The following KIF15 variants were observed in gnomAD, a reference collection of about 807,000 sequenced individuals.
KIF15 encodes the protein kinesin-like protein KIF15.
KIF15 carries 140 observed loss-of-function variants against 190.6 expected under a neutral mutation model. The observed-to-expected ratio is 0.73, with a 90% CI of 0.64 to 0.84. The LOEUF (loss-of-function observed/expected upper bound fraction) is 0.84, where lower values mean the gene tolerates loss of function less well. KIF15 is among the 40% of genes least tolerant of loss of function. The pLI is 0.00. For synonymous variants in KIF15, 528 were observed against 551.3 expected (o/e 0.96, Z 0.59); for missense variants, 1,372 against 1,584.4 (o/e 0.87, Z 2.28).
chr3:44,786,345 G>C (rs966730566), intron 6 of KIF15, 50 bp from the exon 7 acceptor site: 1 of 1,476,302 alleles, frequency 6.8e-7, no homozygotes, highest in Admixed American at 2.0e-5. Flanking sequence ...ATGAAAACTA[G>C]GTATGAACAC....
intron 26 of KIF15, among the ~76,000 whole-genome samples, chr3:44,832,959 G>A (rs1413465092): frequency 7.0e-6 from 1 of 143,828 alleles, no homozygotes; most frequent in East Asian, 2.1e-4. Flanking sequence ...GCAGCAAGCT[G>A]AGATCATGCC....
chr3:44,811,700 T>A (rs1243108553), intron 17 of KIF15, among the ~76,000 whole-genome samples: 1 of 152,220 alleles, frequency 6.6e-6, no homozygotes, highest in Non-Finnish European at 1.5e-5. Context: ...AGACAGTTTT[T>A]AATATATTTG....
In KIF15 at chr3:44,839,328, G is replaced by C. The variant is rs560198542; in HGVS notation, c.3318+907G>C. 1.4e-4 allele frequency among the ~76,000 whole-genome samples: 22 copies of C among 151,946 alleles called. No homozygotes were observed. The Middle Eastern group carries it at 0.014, about 94-fold the overall frequency. ...GCGGAGCTTGCAGTGAGCCGAGATC[G>C]CGCCACTGCACTCCAGCCTGGGCGA... On this transcript the variant is annotated intron_variant, in intron 27 of 34. Coordinates refer to ENST00000326047, the MANE Select transcript of KIF15 (RefSeq NM_020242.3).
chr3:44,852,450 G>T, intron 34 of KIF15, 111 bp downstream of exon 34: 1 of 1,090,894 alleles, frequency 9.2e-7, no homozygotes, highest in Non-Finnish European at 1.3e-6. Flanking sequence ...ACTTCAGGGA[G>T]CTTCCTGAAT....
chr3:44,854,576 T>G (rs752261420), downstream of KIF15, among the ~76,000 whole-genome samples: 5 of 151,926 alleles, frequency 3.3e-5, no homozygotes, highest in African/African-American at 4.8e-5. Flanking sequence ...TAGAAGAAGG[T>G]GGAATATTGA....
chr3:44,848,129 A>G (rs1698932743), intron 31 of KIF15, 72 bp downstream of exon 31: 2 of 907,928 alleles, frequency 2.2e-6, no homozygotes, highest in African/African-American at 1.7e-5. Context: ...TTATGGTAGT[A>G]TATTTTAGAA....
intron 6 of KIF15, among the ~76,000 whole-genome samples, chr3:44,861,257 C>T (rs1382531724): frequency 6.6e-6 from 1 of 152,252 alleles, no homozygotes; most frequent in Non-Finnish European, 1.5e-5. Context: ...TCCCAAAGTG[C>T]TGGGATTACA....
chr3:44,778,979 CAAAAA>C (rs60269306), intron 4 of KIF15, among the ~76,000 whole-genome samples: 4 of 77,732 alleles, frequency 5.1e-5, no homozygotes, highest in Non-Finnish European at 7.1e-5. Context: ...GACTCCGCCT[CAAAAA>C]AAAAAAAAAA....
At chr3:44,768,951 C>T (rs186689362) in intron 1 of KIF15, among the ~76,000 whole-genome samples, 48 of 152,220 alleles carry the variant, frequency 3.2e-4, no homozygotes, top group African/African-American at 9.9e-4. Context: ...TCGAAAATCC[C>T]GAGGCCTTTT....
intron 20 of KIF15, among the ~76,000 whole-genome samples, chr3:44,821,419 G>A (rs1315011626): frequency 7.4e-6 from 1 of 134,648 alleles, no homozygotes; most frequent in Non-Finnish European, 1.6e-5. Flanking sequence ...GGGCGGTCGG[G>A]CAGAGACGCT....
intron 30 of KIF15, among the ~76,000 whole-genome samples, chr3:44,843,518 A>G (rs939294807): frequency 1.3e-4 from 20 of 152,230 alleles, no homozygotes; most frequent in African/African-American, 4.1e-4. Context: ...AAATTTTTTT[A>G]AGGTATATAT....
chr3:44,797,778 T>C (rs188952091), intron 9 of KIF15, 56 bp from the exon 10 acceptor site: 124 of 1,605,486 alleles, frequency 7.7e-5, no homozygotes, highest in Admixed American at 1.9e-4. Context: ...TTTTCTTTGC[T>C]TAAAAAGGTC....
chr3:44,860,807 A>C (rs1362185407), intron 6 of KIF15, among the ~76,000 whole-genome samples: 1 of 152,186 alleles, frequency 6.6e-6, no homozygotes, highest in Non-Finnish European at 1.5e-5. Flanking sequence ...CTGTGAAATC[A>C]TTTTTGTTTA....
intron 8 of KIF15, among the ~76,000 whole-genome samples, chr3:44,794,868 A>T (rs1036252114): frequency 6.6e-6 from 1 of 152,136 alleles, no homozygotes; most frequent in Non-Finnish European, 1.5e-5. Context: ...AGACTGAGGC[A>T]GGAGAATCAC....
At chr3:44,858,385 GC>G (rs1322420082) in intron 6 of KIF15, among the ~76,000 whole-genome samples, 2 of 152,158 alleles carry the variant, frequency 1.3e-5, no homozygotes, top group Non-Finnish European at 2.9e-5. Flanking sequence ...GTGATAACAG[GC>G]TTTAATCCCC....
intron 26 of KIF15, among the ~76,000 whole-genome samples, chr3:44,835,304 A>C (rs1698258510): frequency 1.3e-5 from 2 of 152,108 alleles, no homozygotes. Flanking sequence ...TAGTAATGCG[A>C]TCATGGCTCA....
At chr3:44,821,246 G>A (rs1367849372) in intron 20 of KIF15, among the ~76,000 whole-genome samples, 3 of 150,304 alleles carry the variant, frequency 2.0e-5, no homozygotes, top group African/African-American at 7.3e-5. Context: ...GCGGCTGGCC[G>A]GGCGGAGGGC....
At chr3:44,862,231 C>T (rs1279333342) in intron 6 of KIF15, 1 of 533,304 alleles carries the variant, frequency 1.9e-6, no homozygotes, top group Non-Finnish European at 2.4e-6. Context: ...CGGGGGTGGG[C>T]GCAGGGCGCC....
intron 24 of KIF15, among the ~76,000 whole-genome samples, chr3:44,829,214 G>C (rs1212641382): frequency 1.3e-5 from 2 of 149,962 alleles, no homozygotes; most frequent in Non-Finnish European, 3.0e-5. Flanking sequence ...AAAATTAGCT[G>C]GGCATGGTGG....
Sources: allele counts gnomAD v4.1 joint callset (sites outside exome capture counted in the v4.1 genomes callset), GRCh38; gene constraint gnomAD v4.1.1; transcripts MANE v1.5; gene names NCBI Gene and HGNC (gene_info 2026-07-23, HGNC 2026-07-21).